CADM1: variants seen among roughly 807,000 people sequenced by gnomAD.
CADM1 encodes the protein cell adhesion molecule 1, also known as TSLC-1.
CADM1 carries 15 observed loss-of-function variants against 53.1 expected under a neutral mutation model. The ratio of observed to expected loss-of-function variants is 0.28; its 90% CI spans 0.19 to 0.44. The LOEUF (loss-of-function observed/expected upper bound fraction) is 0.44. CADM1 is among the 20% of genes least tolerant of loss of function. The pLI is 1.00. For synonymous variants in CADM1, 281 were observed against 243.0 expected (o/e 1.16, Z -1.45); for missense variants, 434 against 611.3 (o/e 0.71, Z 3.06).
chr11:115,360,862 G>T (rs1368890444), intron 1 of CADM1, among the ~76,000 whole-genome samples: 1 of 149,502 alleles, frequency 6.7e-6, no homozygotes, highest in East Asian at 1.9e-4. Context: ...AATACAGCAA[G>T]AATTTTATTT....
intron 1 of CADM1, among the ~76,000 whole-genome samples, chr11:115,459,114 AAT>A (rs1258938838): frequency 6.6e-6 from 1 of 152,164 alleles, no homozygotes; most frequent in African/African-American, 2.4e-5. Flanking sequence ...GTGCCAATTA[AAT>A]ATGTTGGGTT....
At chr11:115,444,038 A>G (rs932733161) in intron 1 of CADM1, among the ~76,000 whole-genome samples, 1 of 152,222 alleles carries the variant, frequency 6.6e-6, no homozygotes, top group Non-Finnish European at 1.5e-5. Flanking sequence ...CATTAGGACC[A>G]CTAATATAAC....
chr11:115,451,262 A>C (rs1948565521), intron 1 of CADM1, among the ~76,000 whole-genome samples: 1 of 152,232 alleles, frequency 6.6e-6, no homozygotes, highest in Non-Finnish European at 1.5e-5. Context: ...ACCTGAAAGA[A>C]GCCTAACAGC....
intron 1 of CADM1, among the ~76,000 whole-genome samples, chr11:115,309,264 T>C (rs1461624892): frequency 6.6e-6 from 1 of 152,218 alleles, no homozygotes; most frequent in Non-Finnish European, 1.5e-5. Flanking sequence ...TCTTTTAAAG[T>C]TGTCAACGCT....
chr11:115,494,143 G>A (rs984424190), intron 1 of CADM1, among the ~76,000 whole-genome samples: 3 of 152,110 alleles, frequency 2.0e-5, no homozygotes, highest in Non-Finnish European at 4.4e-5. Context: ...TTGAGAGAGA[G>A]AGAGAAAGCA....
Position 115,174,661 on chromosome 11 carries a change from A to G in CADM1, c.*1813T>C, listed in dbSNP as rs986148013. The G allele has an allele frequency of 1.5e-5, 15 of 984,186 alleles. No homozygotes were observed. The highest frequency in any genetic ancestry group is 1.4e-4 in the African/African-American group (8 of 57,202). The allele number at this position is 984,186 out of a possible 1,614,324, so 61.0% of individuals were successfully genotyped here. A position where few individuals can be genotyped will look rare whatever the true frequency, so the allele number is the denominator to read the frequency against. On this transcript the variant is annotated 3_prime_UTR_variant, in exon 12 of 12. Coordinates refer to ENST00000331581, the MANE Select transcript of CADM1 (RefSeq NM_001301043.2). ...CTTTTTCCCCCTTAAATAAATCAGCATAAGTTTTCCACATAATGTAACAAT... is the reference window on the plus strand; with the variant it reads ...CTTTTTCCCCCTTAAATAAATCAGCGTAAGTTTTCCACATAATGTAACAAT...
chr11:115,470,554 A>C (rs1287964427), intron 1 of CADM1, among the ~76,000 whole-genome samples: 1 of 152,244 alleles, frequency 6.6e-6, no homozygotes, highest in Non-Finnish European at 1.5e-5. Context: ...ATTCATTAAC[A>C]ATTATAAAGC....
intron 8 of CADM1, among the ~76,000 whole-genome samples, chr11:115,202,649 CAT>C (rs1940489455): frequency 6.6e-6 from 1 of 152,070 alleles, no homozygotes; most frequent in Admixed American, 6.5e-5. Flanking sequence ...AGCAGTTAGA[CAT>C]ATTTTAATAC....
At chr11:115,453,306 G>A (rs1343382754) in intron 1 of CADM1, among the ~76,000 whole-genome samples, 1 of 151,724 alleles carries the variant, frequency 6.6e-6, no homozygotes. Context: ...GCTCATGGCT[G>A]CAGTGAGCCA....
Position 115,169,638 on chromosome 11 carries a change from GAGAGAA to G in CADM1, c.*6830_*6835del. 3 of 456,556 alleles carry G rather than the reference GAGAGAA, an allele frequency of 6.6e-6. No individual in the cohort carries two copies. The highest frequency in any genetic ancestry group is 1.3e-5 in the Non-Finnish European group (3 of 226,906). The allele number at this position is 456,556 out of a possible 1,614,324, so 28.3% of individuals were successfully genotyped here. A position where few individuals can be genotyped will look rare whatever the true frequency, so the allele number is the denominator to read the frequency against. On this transcript the variant is annotated 3_prime_UTR_variant, in exon 12 of 12. Transcript: ENST00000331581. The stretch of plus-strand genomic sequence containing the variant: ...TAGAGAAAACAGGCCTAGAGAGAGG[GAGAGAA>G]AGAGAAAGAGAGAGAGATGGATAGT...
intron 5 of CADM1, among the ~76,000 whole-genome samples, chr11:115,224,301 T>C (rs1259704017): frequency 6.6e-6 from 1 of 151,228 alleles, no homozygotes; most frequent in Admixed American, 6.6e-5. Flanking sequence ...AAAAAAAAAA[T>C]CTACCCTTCT....
At chr11:115,217,349 T>C (rs1941229710) in intron 6 of CADM1, among the ~76,000 whole-genome samples, 1 of 152,174 alleles carries the variant, frequency 6.6e-6, no homozygotes, top group South Asian at 2.1e-4. Flanking sequence ...GGCATATATA[T>C]CCTCCTTAAG....
intron 1 of CADM1, among the ~76,000 whole-genome samples, chr11:115,308,761 T>A (rs1944456187): frequency 6.7e-6 from 1 of 149,836 alleles, no homozygotes; most frequent in African/African-American, 2.5e-5. Context: ...TTCCTTTCCC[T>A]CTTTCCCTCC....
In CADM1 at chr11:115,413,766, T is replaced by C. The variant is rs12274058; in HGVS notation, c.124+90505A>G. Among the ~76,000 whole-genome samples, 933 of 151,936 alleles carry C rather than the reference T, an allele frequency of 6.1e-3. 9 individuals are homozygous for C. The highest frequency in any genetic ancestry group is 0.021 in the African/African-American group (891 of 41,446). On this transcript the variant is annotated intron_variant, in intron 1 of 11. Transcript: ENST00000331581. ...TTTAAGTGATTCTCCTGCCTCAGCC[T>C]GTGGAGTAGCTGGGATTACAGGCAC...
rs758401125 is a variant in CADM1 at position 115,231,371 on chromosome 11, C to G, written c.544G>C (p.Gly182Arg). 1.1e-5 allele frequency: 17 copies of G among 1,614,008 alleles called. No individual in the cohort carries two copies. Among genetic ancestry groups the G allele is most frequent in the Non-Finnish European group, 2.5e-6 (3 of 1,179,990 alleles). The change falls in exon 4 of 12, where the codon GGG (glycine) becomes CGG (arginine). Residue 182 changes from glycine to arginine, a missense_variant. Around this residue, in one of 4 missense-constraint regions of CADM1, gnomAD observed 311 missense variants for 435.1 expected, o/e 0.71. Transcript: ENST00000331581. Reference protein sequence around the residue: ...KPATTIRWFKGNTELKGKSEV... With the variant: ...KPATTIRWFKRNTELKGKSEV... ...AGCTTACCTTTTAGCTCTGTGTTCCCTTTGAACCACCTGATAGTCGTGGCT... is the reference window on the plus strand; with the variant it reads ...AGCTTACCTTTTAGCTCTGTGTTCCGTTTGAACCACCTGATAGTCGTGGCT...
At chr11:115,503,940 G>T (rs982607867) in intron 1 of CADM1, among the ~76,000 whole-genome samples, 2 of 152,104 alleles carry the variant, frequency 1.3e-5, no homozygotes, top group Non-Finnish European at 1.5e-5. Context: ...GGTTGAGGTT[G>T]TCTTTGAACC....
chr11:115,471,864 T>A (rs1169625946), intron 1 of CADM1, among the ~76,000 whole-genome samples: 1 of 152,040 alleles, frequency 6.6e-6, no homozygotes, highest in African/African-American at 2.4e-5. Context: ...AGACCAGTGG[T>A]CATAAAACAA....
At chr11:115,500,333 A>T (rs1949703473) in intron 1 of CADM1, among the ~76,000 whole-genome samples, 1 of 152,234 alleles carries the variant, frequency 6.6e-6, no homozygotes, top group South Asian at 2.1e-4. Context: ...CATTTCTAAA[A>T]TGTAAATTCT....
chr11:115,267,037 G>A (rs1056665618), intron 1 of CADM1, among the ~76,000 whole-genome samples: 1 of 152,140 alleles, frequency 6.6e-6, no homozygotes, highest in African/African-American at 2.4e-5. Flanking sequence ...TAACAATTAT[G>A]CACTGCAGCA....
Sources: allele counts gnomAD v4.1 joint callset (sites outside exome capture counted in the v4.1 genomes callset), GRCh38; gene constraint gnomAD v4.1.1; regional missense constraint gnomAD v4.1.1; transcripts MANE v1.5; gene names NCBI Gene and HGNC (gene_info 2026-07-23, HGNC 2026-07-21).